EIF4E3: variants seen among roughly 807,000 people sequenced by gnomAD.
EIF4E3 encodes the protein eukaryotic translation initiation factor 4E type 3.
A neutral mutation model predicts 31.7 loss-of-function variants in EIF4E3; 26 were observed. The ratio of observed to expected loss-of-function variants is 0.82; its 90% CI spans 0.60 to 1.14. The LOEUF (loss-of-function observed/expected upper bound fraction) is 1.14, where lower values mean the gene tolerates loss of function less well. Among genes scored for constraint, EIF4E3 ranks in the 50% most tolerant of loss-of-function variants. EIF4E3 has a pLI of 0.00. For missense variants in EIF4E3, 304 were observed against 270.9 expected (o/e 1.12, Z -0.86); for synonymous variants, 128 against 107.7 (o/e 1.19, Z -1.17).
chr3:71,723,999 A>G (rs77418186), intron 1 of EIF4E3, among the ~76,000 whole-genome samples: 27 of 152,312 alleles, frequency 1.8e-4, no homozygotes, highest in African/African-American at 6.3e-4. Flanking sequence ...AAAAAAATGA[A>G]TATCACTTTT....
intron 1 of EIF4E3, among the ~76,000 whole-genome samples, chr3:71,744,464 C>T (rs1051770771): frequency 8.6e-5 from 13 of 151,974 alleles, no homozygotes; most frequent in African/African-American, 1.5e-4. Flanking sequence ...TATTCACCTC[C>T]GGCTGGGCAC....
At chr3:71,674,335 A>G (rs2048861557), downstream of EIF4E3, among the ~76,000 whole-genome samples, 1 of 151,704 alleles carries the variant, frequency 6.6e-6, no homozygotes, top group Non-Finnish European at 1.5e-5. Context: ...TTGAACTCCC[A>G]GCCTCAGGTG....
At chr3:71,693,125 T>A (rs2049086445) in intron 5 of EIF4E3, among the ~76,000 whole-genome samples, 1 of 152,174 alleles carries the variant, frequency 6.6e-6, no homozygotes, top group African/African-American at 2.4e-5. Context: ...ATTCTAAATG[T>A]TACTTCAGGA....
intron 1 of EIF4E3, among the ~76,000 whole-genome samples, chr3:71,716,029 T>C (rs1285903383): frequency 6.6e-6 from 1 of 152,158 alleles, no homozygotes; most frequent in African/African-American, 2.4e-5. Context: ...GCACATCTTG[T>C]GTCATATCCC....
chr3:71,745,543 G>A (rs1578392034), intron 1 of EIF4E3, among the ~76,000 whole-genome samples: 2 of 152,212 alleles, frequency 1.3e-5, no homozygotes, highest in Middle Eastern at 3.4e-3. Flanking sequence ...ATCAATAATC[G>A]ATGCACTATT....
chr3:71,689,512 C>G (rs2049034623), intron 6 of EIF4E3, among the ~76,000 whole-genome samples: 1 of 152,190 alleles, frequency 6.6e-6, no homozygotes, highest in South Asian at 2.1e-4. Context: ...TCCCTCAGTT[C>G]TGTGTCATAG....
At chr3:71,672,785 CT>C (rs528241219), downstream of EIF4E3, among the ~76,000 whole-genome samples, 159 of 147,706 alleles carry the variant, frequency 1.1e-3, no homozygotes, top group Non-Finnish European at 9.0e-4. Flanking sequence ...CATCTTTTTT[CT>C]TTTTTTTTTT....
At chr3:71,659,836 C>G in the EIF4E3 span, among the ~76,000 whole-genome samples, 1 of 152,098 alleles carries the variant, frequency 6.6e-6, no homozygotes, top group Non-Finnish European at 1.5e-5. Context: ...TTCATGAGAA[C>G]AGAACATAAG....
At chr3:71,667,489 T>A in the EIF4E3 span, among the ~76,000 whole-genome samples, 6 of 152,202 alleles carry the variant, frequency 3.9e-5, no homozygotes, top group African/African-American at 1.4e-4. Context: ...CATGATTGTA[T>A]AGTTAGAAAA....
At chr3:71,726,094 G>A (rs890372666), upstream of EIF4E3, among the ~76,000 whole-genome samples, 8 of 152,210 alleles carry the variant, frequency 5.3e-5, no homozygotes, top group Non-Finnish European at 7.3e-5. Flanking sequence ...ATTCCTCTTG[G>A]TGAGAGCATA....
intron 1 of EIF4E3, among the ~76,000 whole-genome samples, chr3:71,731,536 G>A (rs2049706321): frequency 6.6e-6 from 1 of 152,200 alleles, no homozygotes; most frequent in African/African-American, 2.4e-5. Flanking sequence ...GGAGGGCCAG[G>A]CCTCTCTTGT....
chr3:71,671,480 C>T (rs1434337180), downstream of EIF4E3, among the ~76,000 whole-genome samples: 1 of 152,200 alleles, frequency 6.6e-6, no homozygotes, highest in Non-Finnish European at 1.5e-5. Flanking sequence ...ATCTAAAATA[C>T]AGCTTTAAAT....
intron 6 of EIF4E3, among the ~76,000 whole-genome samples, chr3:71,688,567 C>CTA (rs2049022421): frequency 6.6e-6 from 1 of 152,254 alleles, no homozygotes; most frequent in African/African-American, 2.4e-5. Context: ...GTGTTCTCCT[C>CTA]TTTAGAGTCA....
intron 1 of EIF4E3, among the ~76,000 whole-genome samples, chr3:71,745,387 CCTTAAAGATGTGTCTTACAGGAA>C (rs2049861294): frequency 6.6e-6 from 1 of 152,060 alleles, no homozygotes. Context: ...GTAGGTACAT[CCTTAAAGATGTGTCTTACAGGAA>C]CTTAAAGATG....
At chr3:71,685,963 T>G (rs1405106598) in intron 6 of EIF4E3, among the ~76,000 whole-genome samples, 2 of 152,176 alleles carry the variant, frequency 1.3e-5, no homozygotes, top group African/African-American at 4.8e-5. Context: ...TTTAAGCCCC[T>G]TCCAGTTCTG....
intron 1 of EIF4E3, among the ~76,000 whole-genome samples, chr3:71,711,726 A>C (rs963920361): frequency 6.6e-6 from 1 of 152,164 alleles, no homozygotes; most frequent in African/African-American, 2.4e-5. Context: ...ACTGTAATCC[A>C]ATTACTCTGG....
Position 71,682,176 on chromosome 3 carries a change from A to G in EIF4E3, c.*2506T>C, listed in dbSNP as rs2048931970. 6.6e-6 allele frequency: 1 copy of G among 152,240 alleles called. No homozygotes were observed. The highest frequency in any genetic ancestry group is 2.1e-4 in the South Asian group (1 of 4,834). 9.4% of individuals were successfully genotyped at this position (152,240 alleles called of 1,614,324 possible). On this transcript the variant is annotated 3_prime_UTR_variant, in exon 7 of 7. Transcript: ENST00000425534. Reference sequence around the variant, plus strand: ...TTTAGGGAATAATGGGAGAATAAAAAGCATATTAGTTTCAATCAGATTTCC... The same window carrying G: ...TTTAGGGAATAATGGGAGAATAAAAGGCATATTAGTTTCAATCAGATTTCC...
chr3:71,741,638 A>G (rs1295831957), intron 1 of EIF4E3, among the ~76,000 whole-genome samples: 2 of 152,204 alleles, frequency 1.3e-5, no homozygotes, highest in Admixed American at 6.5e-5. Context: ...TAAGAACATA[A>G]AAGATTTCAA....
the EIF4E3 span, among the ~76,000 whole-genome samples, chr3:71,660,272 C>T: frequency 6.6e-6 from 1 of 151,800 alleles, no homozygotes; most frequent in African/African-American, 2.4e-5. Context: ...CGATGATGAG[C>T]AGGCTGCGGC....
Sources: gnomAD v4.1 joint callset for allele counts (sites outside exome capture counted in the v4.1 genomes callset) on GRCh38, gnomAD v4.1.1 for gene constraint, MANE v1.5 for transcripts, NCBI Gene and HGNC (gene_info 2026-07-23, HGNC 2026-07-21) for gene names.